Variants in ASIP observed in about 807,000 individuals in gnomAD.
ASIP encodes the protein agouti signaling protein, also known as agouti-signaling protein.
A neutral mutation model predicts 10.3 loss-of-function variants in ASIP; 11 were observed. The observed-to-expected ratio is 1.07, with a 90% CI of 0.68 to 1.78. The LOEUF (loss-of-function observed/expected upper bound fraction) is 1.78, where lower values mean the gene tolerates loss of function less well. ASIP is among the 40% of genes most tolerant of loss of function. ASIP has a pLI of 0.00. For synonymous variants in ASIP, 70 were observed against 70.8 expected (o/e 0.99, Z 0.06); for missense variants, 180 against 169.2 (o/e 1.06, Z -0.35).
Position 34,251,428 on chromosome 20 carries a change from G to A in ASIP, c.-10-8937G>A, listed in dbSNP as rs111740731. 5.8e-4 allele frequency among the ~76,000 whole-genome samples: 88 copies of A among 151,908 alleles called. 1 individual carries two copies. The highest frequency in any genetic ancestry group is 6.8e-3 in the Middle Eastern group (2 of 294). On this transcript the variant is annotated intron_variant, in intron 1 of 3. Transcript: ENST00000374954. ...TGGGACTACAGGTGCCCGCCACCAC[G>A]CCCGGCTGATTTTTTTTTGTATTTT...
intron 1 of ASIP, among the ~76,000 whole-genome samples, chr20:34,222,774 A>C (rs79414411): frequency 2.0e-5 from 3 of 148,850 alleles, no homozygotes; most frequent in African/African-American, 5.0e-5. Context: ...GAGTGCCTGC[A>C]ATTGCAGGCA....
At chr20:34,190,445 C>T (rs971039449), upstream of ASIP, among the ~76,000 whole-genome samples, 2 of 152,144 alleles carry the variant, frequency 1.3e-5, no homozygotes, top group Admixed American at 6.5e-5. Context: ...TCCCATTTTC[C>T]CTGGGTGATC....
chr20:34,265,564 G>A (rs1285561608), intron 3 of ASIP, among the ~76,000 whole-genome samples: 1 of 152,050 alleles, frequency 6.6e-6, no homozygotes, highest in Non-Finnish European at 1.5e-5. Flanking sequence ...AAGAGTTTGT[G>A]CCCCTAACCC....
At chr20:34,262,685 T>C (rs2035714712) in intron 2 of ASIP, 147 bp from the exon 3 acceptor site, 1 of 796,182 alleles carries the variant, frequency 1.3e-6, no homozygotes. Flanking sequence ...ACCTACTGGC[T>C]TGAGTCCTAC....
chr20:34,198,459 T>C (rs2034872807), intron 1 of ASIP, among the ~76,000 whole-genome samples: 1 of 151,912 alleles, frequency 6.6e-6, no homozygotes, highest in Non-Finnish European at 1.5e-5. Flanking sequence ...ACACTTTTAT[T>C]TTCTTTTTTA....
At chr20:34,243,088 T>C (rs2035308745) in intron 1 of ASIP, among the ~76,000 whole-genome samples, 1 of 152,218 alleles carries the variant, frequency 6.6e-6, no homozygotes, top group Non-Finnish European at 1.5e-5. Context: ...GGAATGAACA[T>C]CTGGGAAGCC....
intron 3 of ASIP, 124 bp from the exon 4 acceptor site, chr20:34,268,867 G>C: frequency 1.6e-6 from 2 of 1,254,352 alleles, no homozygotes; most frequent in South Asian, 1.4e-5. Context: ...GCGGTGGGCG[G>C]TGGGCAAGCC....
At chr20:34,248,637 T>TA (rs1357668495) in intron 1 of ASIP, among the ~76,000 whole-genome samples, 13 of 151,888 alleles carry the variant, frequency 8.6e-5, no homozygotes, top group African/African-American at 3.1e-4. Context: ...ACCTCACCTC[T>TA]ACTAAAAAAA....
chr20:34,235,870 G>GAAGGA (rs1568756225), intron 1 of ASIP, among the ~76,000 whole-genome samples: 8 of 28,966 alleles, frequency 2.8e-4, no homozygotes, highest in South Asian at 3.1e-3. Flanking sequence ...GGAAGGAAAG[G>GAAGGA]AAGGAAGGAA....
chr20:34,244,013 C>T (rs1409754518), intron 1 of ASIP, among the ~76,000 whole-genome samples: 2 of 152,088 alleles, frequency 1.3e-5, no homozygotes, highest in East Asian at 1.9e-4. Flanking sequence ...TGCAGTGAGC[C>T]GAGATTGCGC....
At chr20:34,203,472 A>G (rs955930764) in intron 1 of ASIP, among the ~76,000 whole-genome samples, 5 of 152,018 alleles carry the variant, frequency 3.3e-5, no homozygotes, top group Non-Finnish European at 5.9e-5. Context: ...ATTTTGGCAC[A>G]CTGCAACCTC....
intron 1 of ASIP, chr20:34,214,224 AG>A (rs1214784969): frequency 1.5e-6 from 2 of 1,367,638 alleles, no homozygotes; most frequent in East Asian, 4.6e-5. Flanking sequence ...TCTAGAAAAC[AG>A]GTAAGCCATC....
At chr20:34,260,291 C>A in intron 1 of ASIP, 74 bp from the exon 2 acceptor site, 1 of 1,459,160 alleles carries the variant, frequency 6.9e-7, no homozygotes, top group Non-Finnish European at 9.3e-7. Flanking sequence ...CCCAAAGAAG[C>A]ACAAAGAAAG....
chr20:34,265,093 C>A (rs771528890), intron 3 of ASIP, among the ~76,000 whole-genome samples: 4 of 152,074 alleles, frequency 2.6e-5, no homozygotes, highest in African/African-American at 4.8e-5. Flanking sequence ...CCATGCCCAG[C>A]CAGTTTACTT....
intron 1 of ASIP, among the ~76,000 whole-genome samples, chr20:34,224,130 C>G (rs1284997300): frequency 6.9e-6 from 1 of 145,728 alleles, no homozygotes; most frequent in Admixed American, 6.9e-5. Flanking sequence ...CCTTTGTTCA[C>G]TTGTTTATCT....
Position 34,235,962 on chromosome 20 carries a change from A to AAGG in ASIP, c.-10-24399_-10-24397dup, listed in dbSNP as rs1450683546. ...GGAGGGAAGAAGGAAGGAAGGAAGG[A>AAGG]AGGAGGGAGGGAGGGAAGAAGGAAA... On this transcript the variant is annotated intron_variant, in intron 1 of 3. Transcript: ENST00000568305. 2.4e-5 allele frequency among the ~76,000 whole-genome samples: 2 copies of AAGG among 83,852 alleles called. 1 individual carries two copies. Among genetic ancestry groups the AAGG allele is most frequent in the African/African-American group, 5.2e-4 (2 of 3,834 alleles). 55.0% of individuals were successfully genotyped at this position (83,852 alleles called of 152,430 possible).
At chr20:34,261,308 G>A (rs908252770) in intron 2 of ASIP, among the ~76,000 whole-genome samples, 63 of 152,264 alleles carry the variant, frequency 4.1e-4, no homozygotes, top group African/African-American at 1.4e-3. Flanking sequence ...AGACCAGACT[G>A]AGCGACATAG....
At chr20:34,255,888 G>A (rs1047497765) in intron 1 of ASIP, among the ~76,000 whole-genome samples, 3 of 152,148 alleles carry the variant, frequency 2.0e-5, no homozygotes, top group Non-Finnish European at 2.9e-5. Context: ...CCGAGAAAGG[G>A]AGTCTCCCTT....
the ASIP span, among the ~76,000 whole-genome samples, chr20:34,187,627 G>A: frequency 3.3e-5 from 5 of 152,220 alleles, no homozygotes; most frequent in Non-Finnish European, 5.9e-5. Flanking sequence ...CAGATGTTAT[G>A]TATCCATTGC....
Sources: gnomAD v4.1 joint callset for allele counts (sites outside exome capture counted in the v4.1 genomes callset) on GRCh38, gnomAD v4.1.1 for gene constraint, MANE v1.5 for transcripts, NCBI Gene and HGNC (gene_info 2026-07-23, HGNC 2026-07-21) for gene names.